The following KIF25 variants were observed in gnomAD, a reference collection of about 807,000 sequenced individuals.
The protein encoded by KIF25 is kinesin-like protein KIF25.
KIF25 carries 19 observed loss-of-function variants against 32.9 expected under a neutral mutation model. The observed-to-expected ratio is 0.58, with a 90% CI of 0.40 to 0.85. The LOEUF (loss-of-function observed/expected upper bound fraction) is 0.85, where lower values mean the gene tolerates loss of function less well. Ranked by LOEUF, KIF25 falls within the 40% of genes least tolerant of loss-of-function variation. KIF25 has a pLI of 0.00. For synonymous variants in KIF25, 225 were observed against 213.7 expected (o/e 1.05, Z -0.46); for missense variants, 485 against 507.0 (o/e 0.96, Z 0.42).
chr6:168,014,607 CA>C (rs1000778430), intron 4 of KIF25, among the ~76,000 whole-genome samples: 2 of 152,102 alleles, frequency 1.3e-5, no homozygotes, highest in African/African-American at 4.8e-5. Flanking sequence ...TTTTTATTTC[CA>C]AAAGTCTAAA....
intron 5 of KIF25, among the ~76,000 whole-genome samples, chr6:168,019,621 G>A (rs1280782661): frequency 1.3e-5 from 2 of 152,162 alleles, no homozygotes; most frequent in Non-Finnish European, 2.9e-5. Flanking sequence ...GCTGACGCAA[G>A]CCCCACAGTG....
In KIF25 at chr6:168,044,939, C is replaced by T. The variant is rs371350788; in HGVS notation, c.1098C>T (p.Gly366=). 6.2e-7 allele frequency: 1 copy of T among 1,611,838 alleles called. No homozygotes were observed. The highest frequency in any genetic ancestry group is 1.1e-5 in the South Asian group (1 of 91,024). The stretch of plus-strand genomic sequence containing the variant: ...TCCGAGCTCGGCAAGTCCAGCGAGG[C>T]CCTGCCCGAAAGAAGCCGCCCAGCT... ...FGIRARQVQR[G]PARKKPPSSQ... is the part of the protein sequence containing the mutation. Residue 366 remains glycine, a synonymous_variant, in exon 13 of 13, where the codon GGC becomes GGT. Transcript: ENST00000643607.
At chr6:168,026,532 A>G (rs1241418681) in intron 5 of KIF25, among the ~76,000 whole-genome samples, 1 of 152,026 alleles carries the variant, frequency 6.6e-6, no homozygotes, top group Non-Finnish European at 1.5e-5. Context: ...TTTTTATAAC[A>G]GCTTTTTATG....
chr6:168,044,867 C>A lies in KIF25; in HGVS notation c.1026C>A (p.Pro342=). 1 of 1,608,062 alleles carries A rather than the reference C, an allele frequency of 6.2e-7. No individual in the cohort carries two copies. The highest frequency in any genetic ancestry group is 8.5e-7 in the Non-Finnish European group (1 of 1,176,142). ...AKLLVILCIS[P]SQRHLAQTLQ... is the part of the protein sequence containing the mutation. ...TACTGGTGATTCTCTGCATTTCTCCCAGCCAGAGGCACCTGGCACAGACGT... is the reference window on the plus strand; with the variant it reads ...TACTGGTGATTCTCTGCATTTCTCCAAGCCAGAGGCACCTGGCACAGACGT... Residue 342 remains proline (P), a synonymous_variant, in exon 13 of 13, where the codon CCC becomes CCA. Transcript: ENST00000643607.
chr6:168,001,563 TGA>T (rs1013647281), intron 2 of KIF25, among the ~76,000 whole-genome samples: 6 of 93,834 alleles, frequency 6.4e-5, no homozygotes, highest in African/African-American at 1.0e-4. Flanking sequence ...CTCGGGCAGG[TGA>T]GAAGACACCT....
intron 4 of KIF25, among the ~76,000 whole-genome samples, chr6:168,009,810 G>A (rs1014497133): frequency 7.9e-5 from 12 of 152,038 alleles, no homozygotes; most frequent in African/African-American, 2.7e-4. Flanking sequence ...TAGATTATAT[G>A]TATCCAGGAA....
rs780740963 is a variant in KIF25 at position 168,029,676 on chromosome 6, A to C, written c.91A>C (p.Arg31=). Residue 31 remains arginine (R), a splice_region_variant and synonymous_variant, in exon 6 of 13, where the codon AGG becomes CGG. Coordinates refer to ENST00000643607, the MANE Select transcript of KIF25 (RefSeq NM_030615.4). The part of the protein sequence containing the change: ...VLAFPDDKDL[R]VYGPAESQSA... ...GGCCTTCCCAGATGACAAGGACCTC[A>C]GGTCAGCTTCAGCGTGAGAAGCAGG... 22 of 1,603,820 alleles carry C rather than the reference A, an allele frequency of 1.4e-5. No individual in the cohort carries two copies. Among genetic ancestry groups the C allele is most frequent in the Admixed American group, 5.2e-5 (3 of 57,430 alleles).
At position 168,004,050 on chromosome 6, in the gene KIF25, A is replaced by C. The variant is rs79480815; in HGVS notation, c.-163+347A>C. Among the ~76,000 whole-genome samples the C allele has an allele frequency of 9.9e-3, 1,513 of 152,362 alleles. 25 individuals carry two copies. Among genetic ancestry groups the C allele is most frequent in the African/African-American group, 0.033 (1,373 of 41,578 alleles). On this transcript the variant is annotated intron_variant, in intron 4 of 12. Transcript: ENST00000643607. The stretch of plus-strand genomic sequence containing the variant: ...AACTTTGTGATTCTAAACTGGAATC[A>C]AGCATGATTTTGTTTCTCCTGAAAG...
chr6:168,027,642 G>C (rs1798881670), intron 5 of KIF25, among the ~76,000 whole-genome samples: 1 of 152,174 alleles, frequency 6.6e-6, no homozygotes, highest in African/African-American at 2.4e-5. Flanking sequence ...CCCAGGGCCA[G>C]CTTCCCACTG....
At chr6:168,024,367 T>C (rs866032274) in intron 5 of KIF25, among the ~76,000 whole-genome samples, 3 of 152,056 alleles carry the variant, frequency 2.0e-5, no homozygotes, top group African/African-American at 7.2e-5. Flanking sequence ...CTATTGATTT[T>C]GTCCTCTTTT....
chr6:168,031,883 G>A (rs763163833), intron 7 of KIF25, among the ~76,000 whole-genome samples: 7 of 152,178 alleles, frequency 4.6e-5, no homozygotes, highest in African/African-American at 7.2e-5. Context: ...ATGAGTGACC[G>A]TGGCCCATGA....
intron 4 of KIF25, among the ~76,000 whole-genome samples, chr6:168,005,326 G>C (rs1798564955): frequency 6.6e-6 from 1 of 152,140 alleles, no homozygotes; most frequent in Admixed American, 6.5e-5. Flanking sequence ...TTGAATGTGG[G>C]GTCTACCTGA....
At position 168,042,661 on chromosome 6, in the gene KIF25, T is replaced by C. The variant is rs58648170; in HGVS notation, c.930T>C (p.Arg310=). The change falls in exon 12 of 13, where the codon CGT becomes CGC. Residue 310 remains arginine, a synonymous_variant. Coordinates refer to ENST00000643607, the MANE Select transcript of KIF25 (RefSeq NM_030615.4). The stretch of plus-strand genomic sequence containing the variant: ...TCCTGGGGGCTTTGTTGGAGCACCG[T>C]GGCCATGCCCCGTACCGGAACAGCA... ...AGVLGALLEH[R]GHAPYRNSRL... 6.6e-3 allele frequency: 10,670 copies of C among 1,613,674 alleles called. 682 individuals are homozygous for C. The African/African-American group carries it at 0.13, about 19-fold the overall frequency.
intron 2 of KIF25, among the ~76,000 whole-genome samples, chr6:168,001,478 C>T (rs1304321679): frequency 6.6e-6 from 1 of 152,252 alleles, no homozygotes; most frequent in African/African-American, 2.4e-5. Flanking sequence ...GAGGCACATA[C>T]ATGCAAATGA....
At chr6:168,011,557 A>C (rs1798646904) in intron 4 of KIF25, among the ~76,000 whole-genome samples, 1 of 152,210 alleles carries the variant, frequency 6.6e-6, no homozygotes, top group Non-Finnish European at 1.5e-5. Context: ...CTTTGCTGAG[A>C]AATCCACTGT....
intron 1 of KIF25, 46 bp downstream of exon 1, chr6:167,998,916 G>A (rs938055413): frequency 6.6e-6 from 1 of 152,200 alleles, no homozygotes; most frequent in Admixed American, 6.5e-5. Context: ...GCTGGGCGTG[G>A]TGGTGGGCAC....
In KIF25 at chr6:168,033,899, T is replaced by G; in HGVS notation, c.185T>G (p.Met62Arg). 1 of 1,614,084 alleles carries G rather than the reference T, an allele frequency of 6.2e-7. No individual in the cohort carries two copies. Among genetic ancestry groups the G allele is most frequent in the Non-Finnish European group, 8.5e-7 (1 of 1,179,930 alleles). Residue 62 changes from methionine to arginine, a missense_variant, in exon 8 of 13, where the codon ATG becomes AGG. Physicochemically the swap from Met to Arg is moderately conservative, Grantham distance 91. Around this residue, in one of 2 missense-constraint regions of KIF25, gnomAD observed 480 missense variants for 470.3 expected, o/e 1.02. Coordinates refer to ENST00000643607, the MANE Select transcript of KIF25 (RefSeq NM_030615.4). ...AATTTTAGGTACAATGTTTGTGTTA[T>G]GGCGTATGGACAGACGGGCAGCGGA... ...SLLDGYNVCV[M>R]AYGQTGSGKS...
intron 4 of KIF25, among the ~76,000 whole-genome samples, chr6:168,014,099 CG>C: frequency 6.6e-6 from 1 of 152,154 alleles, no homozygotes. Context: ...ATCAGGACTT[CG>C]TGTTAACAGG....
chr6:168,001,012 T>A (rs1274981198), intron 2 of KIF25, among the ~76,000 whole-genome samples: 1 of 152,212 alleles, frequency 6.6e-6, no homozygotes, highest in East Asian at 1.9e-4. Context: ...TCATTGAAAC[T>A]TTTTCTTTTC....
Sources: gnomAD v4.1 joint callset for allele counts (sites outside exome capture counted in the v4.1 genomes callset) on GRCh38, gnomAD v4.1.1 for gene constraint, gnomAD v4.1.1 regional missense constraint, MANE v1.5 for transcripts, NCBI Gene and HGNC (gene_info 2026-07-23, HGNC 2026-07-21) for gene names.